Variants in KIF6 observed in about 807,000 individuals in gnomAD.
KIF6 encodes kinesin family member 6.
In KIF6, 106 loss-of-function variants were observed where a neutral mutation model predicts 112.7. The ratio of observed to expected loss-of-function variants is 0.94; its 90% confidence interval spans 0.80 to 1.11. The LOEUF is 1.11. KIF6 is among the 50% of genes least tolerant of loss of function. KIF6 has a pLI of 0.00. For synonymous variants in KIF6, 339 were observed against 339.9 expected (o/e 1.00, Z 0.03); for missense variants, 929 against 964.0 (o/e 0.96, Z 0.48).
chr6:39,643,212 G>A (rs996314233), intron 3 of KIF6, among the ~76,000 whole-genome samples: 3 of 152,106 alleles, frequency 2.0e-5, no homozygotes, highest in Non-Finnish European at 4.4e-5. Flanking sequence ...GGATTGTAGG[G>A]TACAAGTCTT....
chr6:39,476,593 T>A (rs1774440537), intron 13 of KIF6, among the ~76,000 whole-genome samples: 1 of 152,032 alleles, frequency 6.6e-6, no homozygotes, highest in Admixed American at 6.6e-5. Context: ...AGTGTGAGGG[T>A]CTTATTTTAT....
At chr6:39,546,380 T>G (rs1456562279) in intron 10 of KIF6, among the ~76,000 whole-genome samples, 1 of 152,164 alleles carries the variant, frequency 6.6e-6, no homozygotes, top group Non-Finnish European at 1.5e-5. Context: ...TCTAGTTAAT[T>G]ACCTCTTTTC....
intron 11 of KIF6, among the ~76,000 whole-genome samples, chr6:39,545,339 T>A (rs1425625691): frequency 1.3e-5 from 2 of 152,214 alleles, no homozygotes; most frequent in Non-Finnish European, 2.9e-5. Context: ...AACTATTCTG[T>A]GTAGAAGGTA....
intron 5 of KIF6, among the ~76,000 whole-genome samples, chr6:39,624,835 A>G (rs1784006770): frequency 7.3e-6 from 1 of 136,288 alleles, no homozygotes; most frequent in Admixed American, 8.8e-5. Flanking sequence ...CGCATCACTT[A>G]TTAGGCAATG....
intron 20 of KIF6, among the ~76,000 whole-genome samples, chr6:39,346,077 T>C (rs867516832): frequency 6.6e-4 from 18 of 27,414 alleles, no homozygotes; most frequent in African/African-American, 6.4e-3. Flanking sequence ...TCTCTCTCTC[T>C]CTCTCTCTCC....
intron 3 of KIF6, among the ~76,000 whole-genome samples, chr6:39,654,632 T>C (rs2150798637): frequency 6.6e-6 from 1 of 152,298 alleles, no homozygotes; most frequent in South Asian, 2.1e-4. Context: ...ACATTTAAAG[T>C]CTCCTTTGAA....
chr6:39,548,926 G>A (rs1320141396), intron 10 of KIF6, among the ~76,000 whole-genome samples: 2 of 152,142 alleles, frequency 1.3e-5, no homozygotes, highest in Non-Finnish European at 1.5e-5. Context: ...AAGAATCCTA[G>A]GGGAAAGAGA....
At chr6:39,346,086 C>CTCTCTCCTCTCTCTCTCTCT (rs1326236666) in intron 20 of KIF6, among the ~76,000 whole-genome samples, 1 of 26,994 alleles carries the variant, frequency 3.7e-5, no homozygotes, top group African/African-American at 1.7e-4. Flanking sequence ...CTCTCTCTCT[C>CTCTCTCCTCTCTCTCTCTCT]CCCCCCCTCT....
At chr6:39,497,138 G>T (rs901295970) in intron 13 of KIF6, among the ~76,000 whole-genome samples, 6 of 152,228 alleles carry the variant, frequency 3.9e-5, no homozygotes, top group African/African-American at 1.2e-4. Context: ...ACTCTCTTTC[G>T]CAATTTCGGT....
chr6:39,706,264 T>G (rs1789203690), intron 3 of KIF6, among the ~76,000 whole-genome samples: 1 of 152,234 alleles, frequency 6.6e-6, no homozygotes, highest in South Asian at 2.1e-4. Flanking sequence ...TGATCAATTA[T>G]TCTTAAGAAG....
chr6:39,647,197 A>G (rs1248316103), intron 3 of KIF6, among the ~76,000 whole-genome samples: 2 of 152,228 alleles, frequency 1.3e-5, no homozygotes, highest in Non-Finnish European at 2.9e-5. Context: ...AATTTCCAGC[A>G]AGATTTTGAT....
intron 5 of KIF6, among the ~76,000 whole-genome samples, chr6:39,618,002 A>G (rs1418328176): frequency 6.6e-6 from 1 of 152,238 alleles, no homozygotes; most frequent in Non-Finnish European, 1.5e-5. Context: ...GCAGAGATGT[A>G]AAGTTTTAGG....
At chr6:39,676,878 A>G (rs1447998722) in intron 3 of KIF6, among the ~76,000 whole-genome samples, 1 of 152,260 alleles carries the variant, frequency 6.6e-6, no homozygotes, top group African/African-American at 2.4e-5. Context: ...TGAAAAGTAA[A>G]TATGATAGAA....
intron 14 of KIF6, among the ~76,000 whole-genome samples, chr6:39,428,010 G>A (rs1335215471): frequency 6.6e-6 from 1 of 152,200 alleles, no homozygotes; most frequent in African/African-American, 2.4e-5. Context: ...TTGAGCATGT[G>A]TAAGAATCAC....
chr6:39,643,837 A>T (rs1785028147), intron 3 of KIF6, among the ~76,000 whole-genome samples: 1 of 152,196 alleles, frequency 6.6e-6, no homozygotes, highest in Non-Finnish European at 1.5e-5. Context: ...CATCAAAATT[A>T]AAAATTTTGT....
intron 3 of KIF6, chr6:39,691,644 T>C (rs1263083229): frequency 6.6e-6 from 1 of 152,188 alleles, no homozygotes; most frequent in Non-Finnish European, 1.5e-5. Context: ...AAAATGACTA[T>C]TTAAGTTTTT....
chr6:39,479,256 CT>C (rs1161555300), intron 13 of KIF6, among the ~76,000 whole-genome samples: 2 of 152,150 alleles, frequency 1.3e-5, no homozygotes, highest in African/African-American at 4.8e-5. Flanking sequence ...AGTCCTTGAT[CT>C]GTCTTGAGCT....
At chr6:39,724,799 C>T (rs142950371) in intron 1 of KIF6, among the ~76,000 whole-genome samples, 2 of 152,292 alleles carry the variant, frequency 1.3e-5, no homozygotes, top group East Asian at 3.9e-4. Flanking sequence ...TTCAGAGGTA[C>T]ATAAACACGC....
chr6:39,702,463 T>C (rs1273291696), intron 3 of KIF6, among the ~76,000 whole-genome samples: 1 of 152,216 alleles, frequency 6.6e-6, no homozygotes, highest in African/African-American at 2.4e-5. Flanking sequence ...CATTTTTCCT[T>C]ATCAAAAGCT....
Sources: gnomAD v4.1 joint callset for allele counts (sites outside exome capture counted in the v4.1 genomes callset) on GRCh38, gnomAD v4.1.1 for gene constraint, MANE v1.5 for transcripts, NCBI Gene and HGNC (gene_info 2026-07-23, HGNC 2026-07-21) for gene names.